The following SPIRE1 variants were observed in gnomAD, a reference collection of about 807,000 sequenced individuals.
SPIRE1 encodes protein spire homolog 1.
A neutral mutation model predicts 94.1 loss-of-function variants in SPIRE1; 40 were observed. The observed-to-expected ratio is 0.43, with a 90% CI of 0.33 to 0.55. The LOEUF (loss-of-function observed/expected upper bound fraction) is 0.55. SPIRE1 is among the 20% of genes least tolerant of loss of function. The pLI is 0.06. For synonymous variants in SPIRE1, 376 were observed against 371.7 expected (o/e 1.01, Z -0.13); for missense variants, 838 against 975.2 (o/e 0.86, Z 1.87).
At chr18:12,578,705 T>C (rs935284884) in intron 2 of SPIRE1, among the ~76,000 whole-genome samples, 1 of 152,230 alleles carries the variant, frequency 6.6e-6, no homozygotes, top group Non-Finnish European at 1.5e-5. Flanking sequence ...ATCCGATGTG[T>C]AGCCCTGGGT....
intron 2 of SPIRE1, among the ~76,000 whole-genome samples, chr18:12,625,697 T>G (rs1204015406): frequency 2.6e-5 from 4 of 152,166 alleles, no homozygotes; most frequent in Non-Finnish European, 5.9e-5. Flanking sequence ...TTCTTTCAGG[T>G]TGGATTTTTT....
chr18:12,494,266 A>G (rs1040583070), intron 7 of SPIRE1, among the ~76,000 whole-genome samples: 1 of 152,116 alleles, frequency 6.6e-6, no homozygotes, highest in Non-Finnish European at 1.5e-5. Context: ...GTAACCACCC[A>G]TAACCTTCTT....
chr18:12,547,242 A>G (rs1380379264), intron 2 of SPIRE1, among the ~76,000 whole-genome samples: 1 of 152,202 alleles, frequency 6.6e-6, no homozygotes, highest in African/African-American at 2.4e-5. Context: ...CTGAAAACTC[A>G]CTTACGGGTA....
At chr18:12,529,368 CAA>C (rs145981470) in intron 4 of SPIRE1, among the ~76,000 whole-genome samples, 9 of 126,374 alleles carry the variant, frequency 7.1e-5, no homozygotes, top group Admixed American at 1.6e-4. Flanking sequence ...GACTCCGTCT[CAA>C]AAAAAAAAAA....
chr18:12,517,359 T>C (rs1402897947), intron 4 of SPIRE1, among the ~76,000 whole-genome samples: 1 of 152,218 alleles, frequency 6.6e-6, no homozygotes, highest in Non-Finnish European at 1.5e-5. Context: ...AATAAATCAA[T>C]GTAGATAGCT....
intron 2 of SPIRE1, among the ~76,000 whole-genome samples, chr18:12,617,366 C>A (rs1007589282): frequency 6.6e-6 from 1 of 152,082 alleles, no homozygotes; most frequent in Non-Finnish European, 1.5e-5. Context: ...ACGCACCAAC[C>A]ACCATGCCCA....
chr18:12,494,683 A>G (rs1290041660), intron 7 of SPIRE1, among the ~76,000 whole-genome samples: 3 of 151,026 alleles, frequency 2.0e-5, no homozygotes, highest in Non-Finnish European at 3.0e-5. Flanking sequence ...AAAAAATACA[A>G]AAAAAATTAG....
intron 2 of SPIRE1, 43 bp from the exon 3 acceptor site, chr18:12,546,947 G>T: frequency 7.1e-7 from 1 of 1,398,672 alleles, no homozygotes; most frequent in Non-Finnish European, 9.9e-7. Context: ...TGAATGAAGA[G>T]CTTTCTAGGA....
intron 10 of SPIRE1, among the ~76,000 whole-genome samples, chr18:12,474,798 A>C (rs1222015778): frequency 6.6e-6 from 1 of 152,096 alleles, no homozygotes; most frequent in Non-Finnish European, 1.5e-5. Flanking sequence ...CAGCCTTGGC[A>C]ATGTAGTGAG....
rs1333833132 is a variant in SPIRE1 at position 12,447,987 on chromosome 18, C to T, written c.*1651G>A. 6.6e-6 allele frequency: 1 copy of T among 152,050 alleles called. No individual in the cohort carries two copies. Among genetic ancestry groups the T allele is most frequent in the Non-Finnish European group, 1.5e-5 (1 of 68,010 alleles). The allele number at this position is 152,050 out of a possible 1,614,324, so 9.4% of individuals were successfully genotyped here. ...GGAAGTTTTATAAATGAGATTCACCCAGTACAATTCTGAAAGCTCTTAAAC... is the reference window on the plus strand; with the variant it reads ...GGAAGTTTTATAAATGAGATTCACCTAGTACAATTCTGAAAGCTCTTAAAC... On this transcript the variant is annotated 3_prime_UTR_variant, in exon 17 of 17. Coordinates refer to ENST00000409402, the MANE Select transcript of SPIRE1 (RefSeq NM_001128626.2).
chr18:12,602,516 T>G (rs1261815814), intron 2 of SPIRE1, among the ~76,000 whole-genome samples: 1 of 152,094 alleles, frequency 6.6e-6, no homozygotes, highest in Non-Finnish European at 1.5e-5. Flanking sequence ...TCCAGAAAAA[T>G]GACAGATATG....
chr18:12,471,754 C>T (rs188012222), intron 10 of SPIRE1, among the ~76,000 whole-genome samples: 1 of 152,302 alleles, frequency 6.6e-6, no homozygotes, highest in East Asian at 1.9e-4. Context: ...CTCTTTGAAC[C>T]TAGGCAACCA....
intron 1 of SPIRE1, among the ~76,000 whole-genome samples, chr18:12,648,355 C>G (rs1598582870): frequency 6.6e-6 from 1 of 152,164 alleles, no homozygotes; most frequent in East Asian, 1.9e-4. Flanking sequence ...TATCATGTGC[C>G]CCAACATGAT....
At chr18:12,526,219 T>C (rs2034521529) in intron 4 of SPIRE1, among the ~76,000 whole-genome samples, 1 of 152,162 alleles carries the variant, frequency 6.6e-6, no homozygotes, top group Non-Finnish European at 1.5e-5. Flanking sequence ...TCTGAGACAG[T>C]GGTCCCAGTG....
At chr18:12,593,273 T>C (rs2036583261) in intron 2 of SPIRE1, among the ~76,000 whole-genome samples, 1 of 152,246 alleles carries the variant, frequency 6.6e-6, no homozygotes, top group East Asian at 1.9e-4. Context: ...CATTATCACT[T>C]AACTATCAAT....
At chr18:12,502,264 A>C (rs1314526556) in intron 6 of SPIRE1, among the ~76,000 whole-genome samples, 1 of 152,228 alleles carries the variant, frequency 6.6e-6, no homozygotes, top group Non-Finnish European at 1.5e-5. Context: ...CTAAAAACTA[A>C]GAAAAACAAA....
chr18:12,628,155 T>C (rs1288321210), intron 2 of SPIRE1, among the ~76,000 whole-genome samples: 1 of 152,226 alleles, frequency 6.6e-6, no homozygotes, highest in Non-Finnish European at 1.5e-5. Context: ...TAGTATTGCC[T>C]AGATTTTCTT....
chr18:12,450,782 A>G, intron 16 of SPIRE1: 2 of 722,166 alleles, frequency 2.8e-6, no homozygotes, highest in Middle Eastern at 3.6e-4. Flanking sequence ...GATCAAATTC[A>G]TAAACCCTGG....
At chr18:12,456,274 C>T (rs1367711522) in intron 12 of SPIRE1, among the ~76,000 whole-genome samples, 2 of 152,186 alleles carry the variant, frequency 1.3e-5, no homozygotes, top group African/African-American at 4.8e-5. Flanking sequence ...TTTGCTCCAT[C>T]CTCAGAAAAA....
Sources: gnomAD v4.1 joint callset for allele counts (sites outside exome capture counted in the v4.1 genomes callset) on GRCh38, gnomAD v4.1.1 for gene constraint, MANE v1.5 for transcripts, NCBI Gene and HGNC (gene_info 2026-07-23, HGNC 2026-07-21) for gene names.